EXD3: variants seen among roughly 807,000 people sequenced by gnomAD.
EXD3 encodes the protein exonuclease 3'-5' domain containing 3, also known as exonuclease mut-7 homolog.
Under a neutral mutation model 98.0 loss-of-function variants are expected in EXD3, and 92 were observed. The ratio of observed to expected loss-of-function variants is 0.94; its 90% CI spans 0.79 to 1.12. The LOEUF is 1.12. EXD3 is among the 50% of genes most tolerant of loss of function. The pLI is 0.00. For missense variants in EXD3, 1,222 were observed against 1,191.6 expected (o/e 1.03, Z -0.38); for synonymous variants, 569 against 526.0 (o/e 1.08, Z -1.12).
At chr9:137,346,988 G>A (rs1489558829) in intron 17 of EXD3, among the ~76,000 whole-genome samples, 1 of 151,858 alleles carries the variant, frequency 6.6e-6, no homozygotes, top group Non-Finnish European at 1.5e-5. Context: ...GCTAATTTTT[G>A]TATTTTTAGG....
rs965218334 is a variant in EXD3, at chr9:137,367,963, C to T, written c.489G>A (p.Lys163=). ...TTTCAACGCCAAGCTCCGACTGCAG[C>T]TTCAACGTCGCGCCCAGCGTGGCTG... ...REAATLGATL[K]LQSELGVEKM... Residue 163 remains lysine, a synonymous_variant, in exon 6 of 22, where the codon AAG becomes AAA. Transcript: ENST00000340951. The T allele has an allele frequency of 6.2e-6, 10 of 1,611,914 alleles. No individual in the cohort carries two copies. In the South Asian group the frequency reaches 1.1e-4, roughly 18 times the overall value.
intron 20 of EXD3, among the ~76,000 whole-genome samples, chr9:137,307,964 A>G (rs1172381694): frequency 2.1e-5 from 3 of 142,834 alleles, no homozygotes; most frequent in African/African-American, 5.2e-5. Context: ...GGGCGGGGGC[A>G]GCCCATTTGT....
intron 7 of EXD3, 100 bp downstream of exon 7, chr9:137,366,393 G>A: frequency 1.4e-6 from 2 of 1,477,340 alleles, no homozygotes; most frequent in Non-Finnish European, 1.8e-6. Flanking sequence ...TTCCTGGGGA[G>A]AGCTCTCCCA....
At chr9:137,330,564 T>TATA (rs1833006326) in intron 17 of EXD3, among the ~76,000 whole-genome samples, 2 of 125,606 alleles carry the variant, frequency 1.6e-5, no homozygotes, top group Non-Finnish European at 3.2e-5. Flanking sequence ...TACACAGGGC[T>TATA]CCACAGGAGC....
At chr9:137,409,981 C>A (rs1429411959) in intron 1 of EXD3, among the ~76,000 whole-genome samples, 8 of 152,112 alleles carry the variant, frequency 5.3e-5, no homozygotes, top group African/African-American at 1.9e-4. Flanking sequence ...TCGAGACCAG[C>A]CTGGCCAACA....
Position 137,389,026 on chromosome 9 carries a change from C to T in EXD3, c.56-5649G>A, listed in dbSNP as rs181392282. Among the ~76,000 whole-genome samples, 512 of 152,294 alleles carry T rather than the reference C, an allele frequency of 3.4e-3. 3 individuals carry two copies. Among genetic ancestry groups the T allele is most frequent in the Non-Finnish European group, 6.5e-3 (442 of 68,024 alleles). On this transcript the variant is annotated intron_variant, in intron 2 of 21. Transcript: ENST00000340951. ...CCCGCAGGCGTGTCCTGAGAGGCCA[C>T]GCCCACCCACCACGCACTGGGGCCT...
intron 1 of EXD3, among the ~76,000 whole-genome samples, chr9:137,406,301 AG>A: frequency 6.6e-6 from 1 of 150,784 alleles, no homozygotes; most frequent in African/African-American, 2.4e-5. Flanking sequence ...GAAAAAAAAA[AG>A]AAAAAGAAAA....
At chr9:137,389,395 T>C (rs377068578) in intron 2 of EXD3, among the ~76,000 whole-genome samples, 10 of 152,174 alleles carry the variant, frequency 6.6e-5, no homozygotes, top group African/African-American at 2.2e-4. Context: ...CTCTCATCGG[T>C]CATGGGTCCC....
In EXD3 at chr9:137,371,994, C is replaced by T. The variant is rs973837124; in HGVS notation, c.462+911G>A. 4.6e-5 allele frequency among the ~76,000 whole-genome samples: 7 copies of T among 152,136 alleles called. No individual in the cohort carries two copies. Among genetic ancestry groups the T allele is most frequent in the African/African-American group, 7.2e-5 (3 of 41,432 alleles). On this transcript the variant is annotated intron_variant, in intron 5 of 21. Transcript: ENST00000340951. This position sits in a 1 kb window ranked among gnomAD's most constrained non-coding sequence, Gnocchi z 8.0. Reference sequence around the variant, plus strand: ...AGTCACAGCTTGGCCAGGCTCAGGACGACGGGGCTGTGATGCTAGACCTGG... The same window carrying T: ...AGTCACAGCTTGGCCAGGCTCAGGATGACGGGGCTGTGATGCTAGACCTGG...
At position 137,330,288 on chromosome 9, in the gene EXD3, ACTACACAGGAG is replaced by A. The variant is rs1181540006; in HGVS notation, c.1999-6156_1999-6146del. ...GGAGCTACACAGGAACTACACAGGA[ACTACACAGGAG>A]CTACACAGGAACTACACCGGAGCTA... On this transcript the variant is annotated intron_variant, in intron 17 of 21. Coordinates refer to ENST00000340951, the MANE Select transcript of EXD3 (RefSeq NM_017820.5). Among the ~76,000 whole-genome samples the A allele has an allele frequency of 7.2e-5, 9 of 125,444 alleles. 1 individual carries two copies. The highest frequency in any genetic ancestry group is 1.6e-4 in the African/African-American group (5 of 30,712). The allele number at this position is 125,444 out of a possible 152,430, so 82.3% of individuals were successfully genotyped here.
At chr9:137,316,333 C>T (rs1420096001) in intron 19 of EXD3, among the ~76,000 whole-genome samples, 1 of 151,948 alleles carries the variant, frequency 6.6e-6, no homozygotes, top group Non-Finnish European at 1.5e-5. Flanking sequence ...GCCTGGGGGA[C>T]CCCGCCTGCC....
intron 10 of EXD3, chr9:137,353,185 A>T (rs1051005838): frequency 1.0e-6 from 1 of 983,192 alleles, no homozygotes; most frequent in Non-Finnish European, 1.2e-6. Context: ...CTGGCCTCCA[A>T]GCCTCCACCA....
chr9:137,375,620 C>G (rs532168447), intron 3 of EXD3, among the ~76,000 whole-genome samples: 4 of 141,990 alleles, frequency 2.8e-5, no homozygotes, highest in Middle Eastern at 3.9e-3. Flanking sequence ...TCTAGTGAGT[C>G]CTAGCCCTAG....
intron 4 of EXD3, 108 bp from the exon 5 acceptor site, chr9:137,373,180 T>C (rs1835726209): frequency 7.4e-7 from 1 of 1,348,404 alleles, no homozygotes; most frequent in African/African-American, 1.5e-5. Context: ...ACTGTGGCCA[T>C]GTGTGGGCAT....
rs1291210619 is a variant in EXD3 at position 137,347,450 on chromosome 9, T to A, written c.1998+621A>T. 6.6e-6 allele frequency among the ~76,000 whole-genome samples: 1 copy of A among 151,238 alleles called. No individual in the cohort carries two copies. Among genetic ancestry groups the A allele is most frequent in the African/African-American group, 2.5e-5 (1 of 40,716 alleles). On this transcript the variant is annotated intron_variant, in intron 17 of 21. Coordinates refer to ENST00000340951, the MANE Select transcript of EXD3 (RefSeq NM_017820.5). This position sits in a 1 kb window ranked among gnomAD's most constrained non-coding sequence, Gnocchi z 4.2. ...TTCTGTGTTCCATTCCTGCTTTTTT[T>A]CTTTTTTTTTTAAGATGGAGTCTTG...
At chr9:137,341,246 T>C (rs1833642042) in intron 17 of EXD3, among the ~76,000 whole-genome samples, 1 of 152,182 alleles carries the variant, frequency 6.6e-6, no homozygotes, top group Non-Finnish European at 1.5e-5. Context: ...GAGCCTACGA[T>C]GTTGAGGCTG....
At chr9:137,330,383 A>ACTACACAGGAG in intron 17 of EXD3, among the ~76,000 whole-genome samples, 1 of 141,018 alleles carries the variant, frequency 7.1e-6, no homozygotes, top group African/African-American at 2.8e-5. Context: ...GCTACACAGG[A>ACTACACAGGAG]CTACACAGGA....
intron 7 of EXD3, among the ~76,000 whole-genome samples, 160 bp from the exon 8 acceptor site, chr9:137,356,528 A>C (rs1470021142): frequency 6.6e-6 from 1 of 152,184 alleles, no homozygotes; most frequent in Non-Finnish European, 1.5e-5. Context: ...CATCCTTAGC[A>C]CTTGGAGGTC....
chr9:137,345,663 A>AAAAAAAAAAAAG (rs1276512580), intron 17 of EXD3: 4 of 131,200 alleles, frequency 3.0e-5, no homozygotes, highest in African/African-American at 1.0e-4. Context: ...CTTTGTCTCA[A>AAAAAAAAAAAAG]AAAAAAAAAA....
Sources: allele counts gnomAD v4.1 joint callset (sites outside exome capture counted in the v4.1 genomes callset), GRCh38; gene constraint gnomAD v4.1.1; non-coding constraint Gnocchi (gnomAD v3.1); transcripts MANE v1.5; gene names NCBI Gene and HGNC (gene_info 2026-07-23, HGNC 2026-07-21).